Variants in SLCO3A1 observed in about 807,000 individuals in gnomAD.
SLCO3A1 encodes solute carrier organic anion transporter family member 3A1, also known as PGE1 transporter.
A neutral mutation model predicts 63.1 loss-of-function variants in SLCO3A1; 27 were observed. That is an observed-to-expected ratio of 0.43 (90% CI 0.32 to 0.59). SLCO3A1 has a LOEUF of 0.59. Ranked by LOEUF, SLCO3A1 falls within the 20% of genes least tolerant of loss-of-function variation. The pLI, the probability that SLCO3A1 is intolerant of heterozygous loss-of-function variation, is 0.09. For synonymous variants in SLCO3A1, 473 were observed against 409.9 expected (o/e 1.15, Z -1.86); for missense variants, 773 against 945.8 (o/e 0.82, Z 2.40).
chr15:92,112,927 T>C (rs207958), intron 4 of SLCO3A1, among the ~76,000 whole-genome samples: 107,291 of 152,114 alleles, frequency 0.71, 38,009 homozygotes, highest in Admixed American at 0.79. Flanking sequence ...GGTGAATGCC[T>C]CCATTGTTGG....
At chr15:92,019,596 G>C (rs2046481957) in intron 2 of SLCO3A1, among the ~76,000 whole-genome samples, 1 of 152,234 alleles carries the variant, frequency 6.6e-6, no homozygotes, top group African/African-American at 2.4e-5. Flanking sequence ...GGATGGTCAA[G>C]AGTTTGCTGG....
chr15:92,052,051 C>G (rs1185182572), intron 2 of SLCO3A1, among the ~76,000 whole-genome samples: 2 of 152,136 alleles, frequency 1.3e-5, no homozygotes, highest in East Asian at 3.9e-4. Flanking sequence ...CCAGGGTTCT[C>G]GAATTCAGAG....
intron 7 of SLCO3A1, among the ~76,000 whole-genome samples, chr15:92,142,955 A>G (rs964199025): frequency 1.3e-5 from 2 of 152,080 alleles, no homozygotes; most frequent in African/African-American, 4.8e-5. Context: ...GACTTGTTAA[A>G]CCAAAGAAAG....
At chr15:91,915,474 T>C (rs894468229) in intron 1 of SLCO3A1, among the ~76,000 whole-genome samples, 1 of 152,168 alleles carries the variant, frequency 6.6e-6, no homozygotes, top group Non-Finnish European at 1.5e-5. Context: ...CTGGGCTGAT[T>C]TAGCTTGTGC....
At position 92,163,554 on chromosome 15, in the gene SLCO3A1, ATT is replaced by A. The variant is rs755383307; in HGVS notation, c.*420_*421del. On this transcript the variant is annotated 3_prime_UTR_variant, in exon 10 of 10. Transcript: ENST00000318445. ...AAAGAAGTTTCCTAAAATAAAAAAA[ATT>A]AAAAAAAAAAAACCCACAAGTTGAA... The A allele has an allele frequency of 7.1e-5, 65 of 915,872 alleles. No homozygotes were observed. In the East Asian group the frequency reaches 3.0e-3, roughly 43 times the overall value. 56.7% of individuals were successfully genotyped at this position (915,872 alleles called of 1,614,324 possible).
At chr15:91,992,518 C>G (rs1048088669) in intron 2 of SLCO3A1, among the ~76,000 whole-genome samples, 10 of 152,148 alleles carry the variant, frequency 6.6e-5, no homozygotes, top group African/African-American at 2.4e-4. Flanking sequence ...AAACGGGAAG[C>G]CAGTGATCCT....
intron 2 of SLCO3A1, among the ~76,000 whole-genome samples, chr15:91,975,227 G>C (rs1901054017): frequency 6.6e-6 from 1 of 152,086 alleles, no homozygotes; most frequent in Non-Finnish European, 1.5e-5. Context: ...CTGGTACCTA[G>C]GTGTGCTGCA....
In SLCO3A1 at chr15:92,164,190, T is replaced by TC; in HGVS notation, c.*1056dup. ...TTATGCTGGTTGCTTTTACTTTTTT[T>TC]CTCCTTTTTTAATGCACCAAAAATA... On this transcript the variant is annotated 3_prime_UTR_variant, in exon 10 of 10. Coordinates refer to ENST00000318445, the MANE Select transcript of SLCO3A1 (RefSeq NM_013272.4). 1.0e-6 allele frequency: 1 copy of TC among 985,344 alleles called. No individual in the cohort carries two copies. The highest frequency in any genetic ancestry group is 1.2e-6 in the Non-Finnish European group (1 of 829,864). 61.0% of individuals were successfully genotyped at this position (985,344 alleles called of 1,614,324 possible). A position where few individuals can be genotyped will look rare whatever the true frequency, so the allele number is the denominator to read the frequency against.
At chr15:91,881,025 G>C (rs1195922702) in intron 1 of SLCO3A1, among the ~76,000 whole-genome samples, 1 of 152,300 alleles carries the variant, frequency 6.6e-6, no homozygotes, top group East Asian at 1.9e-4. Flanking sequence ...ATGGGGCTCA[G>C]GATGGGGCTT....
chr15:92,111,653 G>C (rs921537710), intron 4 of SLCO3A1, among the ~76,000 whole-genome samples: 3 of 152,188 alleles, frequency 2.0e-5, no homozygotes, highest in Non-Finnish European at 2.9e-5. Context: ...CGGAGGGATA[G>C]GTCCATAGAT....
intron 2 of SLCO3A1, among the ~76,000 whole-genome samples, chr15:91,953,232 C>T (rs781268086): frequency 8.5e-5 from 13 of 152,216 alleles, no homozygotes; most frequent in Admixed American, 2.0e-4. Context: ...CTGACTCGCT[C>T]ATTCGCTCAC....
chr15:92,016,254 T>TAGATTAGATAGATA, intron 2 of SLCO3A1, among the ~76,000 whole-genome samples: 1 of 95,658 alleles, frequency 1.0e-5, no homozygotes, highest in Non-Finnish European at 2.1e-5. Context: ...GATAGATAGA[T>TAGATTAGATAGATA]TAGATAGATA....
chr15:91,975,481 T>C (rs4932592), intron 2 of SLCO3A1, among the ~76,000 whole-genome samples: 37,930 of 152,046 alleles, frequency 0.25, 5,429 homozygotes, highest in East Asian at 0.35. Context: ...ACAGACTGAG[T>C]CAGCTGTCAT....
intron 2 of SLCO3A1, among the ~76,000 whole-genome samples, chr15:91,949,142 T>C (rs1899911248): frequency 6.6e-6 from 1 of 152,134 alleles, no homozygotes; most frequent in Non-Finnish European, 1.5e-5. Context: ...CTAGACTGTG[T>C]GCAGCTGCTT....
chr15:92,008,392 G>A (rs1032232206), intron 2 of SLCO3A1, among the ~76,000 whole-genome samples: 2 of 152,132 alleles, frequency 1.3e-5, no homozygotes, highest in Admixed American at 6.5e-5. Context: ...AGTTTGCCCT[G>A]CTGTAAAAAC....
intron 4 of SLCO3A1, 56 bp from the exon 5 acceptor site, chr15:92,120,408 GA>G: frequency 6.4e-7 from 1 of 1,560,948 alleles, no homozygotes; most frequent in Non-Finnish European, 8.8e-7. Flanking sequence ...GGAGCTATAA[GA>G]TGGGAGCACA....
At chr15:92,152,405 T>C (rs2048318068) in intron 9 of SLCO3A1, among the ~76,000 whole-genome samples, 1 of 152,218 alleles carries the variant, frequency 6.6e-6, no homozygotes. Flanking sequence ...CCATGTTCCT[T>C]GGTATATACA....
At chr15:91,911,145 G>C (rs1898472673) in intron 1 of SLCO3A1, among the ~76,000 whole-genome samples, 1 of 152,202 alleles carries the variant, frequency 6.6e-6, no homozygotes, top group Non-Finnish European at 1.5e-5. Flanking sequence ...TGGCCTTAGT[G>C]TGACTTCAGC....
At chr15:92,123,875 A>G (rs1398817160) in intron 5 of SLCO3A1, among the ~76,000 whole-genome samples, 1 of 152,232 alleles carries the variant, frequency 6.6e-6, no homozygotes, top group Non-Finnish European at 1.5e-5. Flanking sequence ...CAAAAAAACA[A>G]TTCTGCCTTA....
Sources: gnomAD v4.1 joint callset for allele counts (sites outside exome capture counted in the v4.1 genomes callset) on GRCh38, gnomAD v4.1.1 for gene constraint, MANE v1.5 for transcripts, NCBI Gene and HGNC (gene_info 2026-07-23, HGNC 2026-07-21) for gene names.